EGFLAM: variants seen among roughly 807,000 people sequenced by gnomAD.
EGFLAM encodes the protein EGF like, fibronectin type III and laminin G domains, also known as pikachurin.
In EGFLAM, 79 loss-of-function variants were observed where a neutral mutation model predicts 113.1. The ratio of observed to expected loss-of-function variants is 0.70; its 90% confidence interval spans 0.58 to 0.84. The LOEUF (loss-of-function observed/expected upper bound fraction) is 0.84. Ranked by LOEUF, EGFLAM falls within the 40% of genes least tolerant of loss-of-function variation. The pLI, the probability that EGFLAM is intolerant of heterozygous loss-of-function variation, is 0.00. For missense variants in EGFLAM, 1,265 were observed against 1,291.6 expected (o/e 0.98, Z 0.32); for synonymous variants, 504 against 487.6 (o/e 1.03, Z -0.44).
chr5:38,288,208 A>C (rs1178400683), intron 1 of EGFLAM, among the ~76,000 whole-genome samples: 1 of 152,184 alleles, frequency 6.6e-6, no homozygotes. Flanking sequence ...GCAGATTTAA[A>C]AAAACTGTTA....
At chr5:38,312,032 T>C (rs1047508704) in intron 1 of EGFLAM, among the ~76,000 whole-genome samples, 7 of 152,192 alleles carry the variant, frequency 4.6e-5, no homozygotes, top group African/African-American at 1.7e-4. Context: ...GTCATTTAAT[T>C]CTCAAAGCCT....
chr5:38,450,739 C>T (rs1742885342), intron 18 of EGFLAM, among the ~76,000 whole-genome samples: 1 of 152,238 alleles, frequency 6.6e-6, no homozygotes, highest in Non-Finnish European at 1.5e-5. Flanking sequence ...CTGAGCACCC[C>T]TCCTTTCCTC....
At chr5:38,328,460 G>A (rs1738945734) in intron 1 of EGFLAM, among the ~76,000 whole-genome samples, 1 of 152,068 alleles carries the variant, frequency 6.6e-6, no homozygotes, top group Non-Finnish European at 1.5e-5. Flanking sequence ...ATTTCTGGAG[G>A]CCCAAGGATA....
intron 6 of EGFLAM, among the ~76,000 whole-genome samples, chr5:38,372,195 T>G (rs1740241098): frequency 6.6e-6 from 1 of 151,390 alleles, no homozygotes; most frequent in Non-Finnish European, 1.5e-5. Flanking sequence ...CAGGTTGGAG[T>G]GCAATGGCGC....
chr5:38,298,577 A>G (rs1341833187), intron 1 of EGFLAM, among the ~76,000 whole-genome samples: 2 of 152,232 alleles, frequency 1.3e-5, no homozygotes, highest in Non-Finnish European at 2.9e-5. Flanking sequence ...TGTGAACAAT[A>G]AAGGTAAACC....
intron 10 of EGFLAM, among the ~76,000 whole-genome samples, chr5:38,410,156 G>C (rs1319307309): frequency 6.6e-6 from 1 of 152,224 alleles, no homozygotes; most frequent in African/African-American, 2.4e-5. Flanking sequence ...AGCCATTATT[G>C]TCTTCTTAAA....
chr5:38,287,057 T>C (rs1758182426), intron 1 of EGFLAM, among the ~76,000 whole-genome samples: 1 of 152,238 alleles, frequency 6.6e-6, no homozygotes. Context: ...ACAATAGCTT[T>C]GTATTTGTAT....
intron 1 of EGFLAM, among the ~76,000 whole-genome samples, chr5:38,324,761 G>A (rs1205150066): frequency 2.0e-5 from 3 of 152,186 alleles, no homozygotes; most frequent in Non-Finnish European, 4.4e-5. Flanking sequence ...AAGGCAGTGG[G>A]TTCCACTGCA....
At chr5:38,356,628 C>T (rs1445721535) in intron 5 of EGFLAM, among the ~76,000 whole-genome samples, 1 of 152,194 alleles carries the variant, frequency 6.6e-6, no homozygotes. Context: ...AGCTTAGACC[C>T]AGCCTGCCCA....
chr5:38,278,704 G>A (rs1020604684), intron 1 of EGFLAM, among the ~76,000 whole-genome samples: 1 of 151,974 alleles, frequency 6.6e-6, no homozygotes, highest in African/African-American at 2.4e-5. Context: ...GGCTAGGCTG[G>A]TCTTGAACTC....
chr5:38,360,821 T>TATTTATTC (rs200275143), intron 5 of EGFLAM, among the ~76,000 whole-genome samples: 3,958 of 22,534 alleles, frequency 0.18, 182 homozygotes, highest in African/African-American at 0.23. Flanking sequence ...GTTTTGAAAT[T>TATTTATTC]ATTTATTTAT....
intron 21 of EGFLAM, among the ~76,000 whole-genome samples, chr5:38,463,601 C>T (rs765393305): frequency 1.3e-5 from 2 of 152,168 alleles, no homozygotes; most frequent in African/African-American, 2.4e-5. Flanking sequence ...GAATTTATAG[C>T]TTTTGATTGT....
intron 5 of EGFLAM, among the ~76,000 whole-genome samples, chr5:38,355,088 T>C (rs984133350): frequency 1.3e-5 from 2 of 152,086 alleles, no homozygotes; most frequent in African/African-American, 4.8e-5. Flanking sequence ...GCAAATAGTT[T>C]ATTTGGAAGT....
intron 6 of EGFLAM, among the ~76,000 whole-genome samples, chr5:38,378,683 C>T (rs1246871885): frequency 1.3e-5 from 2 of 152,158 alleles, no homozygotes; most frequent in African/African-American, 4.8e-5. Context: ...AGCATCTGTA[C>T]CTTTGAACAG....
chr5:38,283,431 C>T (rs1758074122), intron 1 of EGFLAM, among the ~76,000 whole-genome samples: 1 of 152,188 alleles, frequency 6.6e-6, no homozygotes, highest in African/African-American at 2.4e-5. Context: ...CATATAAAGG[C>T]ATGCATTGTG....
chr5:38,299,213 G>C (rs966984999), intron 1 of EGFLAM, among the ~76,000 whole-genome samples: 1 of 152,164 alleles, frequency 6.6e-6, no homozygotes, highest in Non-Finnish European at 1.5e-5. Context: ...TAACACACAA[G>C]GAAGAATGAG....
chr5:38,393,755 G>T (rs934300136), intron 6 of EGFLAM, among the ~76,000 whole-genome samples: 1 of 152,192 alleles, frequency 6.6e-6, no homozygotes, highest in Non-Finnish European at 1.5e-5. Flanking sequence ...GAGGGGCCCC[G>T]CAGCAGCGTC....
intron 1 of EGFLAM, among the ~76,000 whole-genome samples, chr5:38,296,013 C>A (rs1239897520): frequency 6.6e-6 from 1 of 152,044 alleles, no homozygotes; most frequent in Non-Finnish European, 1.5e-5. Flanking sequence ...GACGGGTTGC[C>A]ATGTCTGTTG....
intron 12 of EGFLAM, among the ~76,000 whole-genome samples, chr5:38,418,652 AAAG>A (rs1741732357): frequency 6.6e-6 from 1 of 152,246 alleles, no homozygotes; most frequent in South Asian, 2.1e-4. Context: ...TCTGTTTCTT[AAAG>A]AAGTGGTCAC....
Sources: gnomAD v4.1 joint callset for allele counts (sites outside exome capture counted in the v4.1 genomes callset) on GRCh38, gnomAD v4.1.1 for gene constraint, MANE v1.5 for transcripts, NCBI Gene and HGNC (gene_info 2026-07-23, HGNC 2026-07-21) for gene names.